The following LRP1B variants were observed in gnomAD, a reference collection of about 807,000 sequenced individuals.
The protein encoded by LRP1B is low-density lipoprotein receptor-related protein 1B.
Under a neutral mutation model 556.6 loss-of-function variants are expected in LRP1B, and 217 were observed. The ratio of observed to expected loss-of-function variants is 0.39; its 90% CI spans 0.35 to 0.44. The LOEUF (loss-of-function observed/expected upper bound fraction) is 0.44, where lower values mean the gene tolerates loss of function less well. Ranked by LOEUF, LRP1B falls within the 20% of genes least tolerant of loss-of-function variation. LRP1B has a pLI of 1.00. For missense variants in LRP1B, 5,053 were observed against 5,620.8 expected, an observed-to-expected ratio of 0.90 and a Z score of 3.23; for synonymous variants, 2,047 against 1,865.8, an observed-to-expected ratio of 1.10 and a Z score of -2.50.
At chr2:141,957,384 G>T (rs909005028) in intron 1 of LRP1B, among the ~76,000 whole-genome samples, 1 of 39,672 alleles carries the variant, frequency 2.5e-5, no homozygotes. Flanking sequence ...TTGTGTGTGT[G>T]GGGGGGGGGG....
At chr2:141,938,698 T>G (rs752726416) in intron 1 of LRP1B, among the ~76,000 whole-genome samples, 1 of 152,118 alleles carries the variant, frequency 6.6e-6, no homozygotes, top group Non-Finnish European at 1.5e-5. Context: ...TAAGTGTCTG[T>G]CAACAGATGA....
At chr2:140,609,565 C>T (rs1419159986) in intron 41 of LRP1B, among the ~76,000 whole-genome samples, 2 of 152,116 alleles carry the variant, frequency 1.3e-5, no homozygotes, top group East Asian at 3.9e-4. Context: ...TCTTAATTAT[C>T]CATATAAATT....
intron 7 of LRP1B, among the ~76,000 whole-genome samples, chr2:141,067,532 T>A (rs958092538): frequency 6.6e-6 from 1 of 152,056 alleles, no homozygotes; most frequent in Admixed American, 6.6e-5. Flanking sequence ...TCTGGAAACA[T>A]TCCCACTAGT....
chr2:140,753,222 G>A (rs288111), intron 35 of LRP1B, among the ~76,000 whole-genome samples: 49,830 of 151,934 alleles, frequency 0.33, 8,296 homozygotes, highest in South Asian at 0.39. Flanking sequence ...CTTAACAATT[G>A]ATGTTCAGCT....
intron 1 of LRP1B, among the ~76,000 whole-genome samples, chr2:141,909,855 A>G (rs888691054): frequency 2.0e-5 from 3 of 151,998 alleles, no homozygotes; most frequent in African/African-American, 7.2e-5. Flanking sequence ...ATTTATAACA[A>G]TCTAATTAAA....
Position 141,331,522 on chromosome 2 carries a change from C to CTCTTTCTTTCTTTCTTTCTTTCTTTCTT in LRP1B, c.344-76909_344-76882dup, listed in dbSNP as rs71213744. Among the ~76,000 whole-genome samples the CTCTTTCTTTCTTTCTTTCTTTCTTTCTT allele has an allele frequency of 5.9e-3, 827 of 140,782 alleles. 7 individuals carry two copies. Among genetic ancestry groups the CTCTTTCTTTCTTTCTTTCTTTCTTTCTT allele is most frequent in the Admixed American group, 0.017 (246 of 14,188 alleles). The allele number at this position is 140,782 out of a possible 152,430, so 92.4% of individuals were successfully genotyped here. On this transcript the variant is annotated intron_variant, in intron 3 of 90. Coordinates refer to ENST00000389484, the MANE Select transcript of LRP1B (RefSeq NM_018557.3). ...TCTTTCCTTCTTTCTTTCTTTCTTT[C>CTCTTTCTTTCTTTCTTTCTTTCTTTCTT]TCTTTCTTTCTTTCTTTCTTTCTTT...
At chr2:140,272,894 A>G (rs549608846) in intron 85 of LRP1B, among the ~76,000 whole-genome samples, 1 of 151,960 alleles carries the variant, frequency 6.6e-6, no homozygotes, top group Non-Finnish European at 1.5e-5. Context: ...TTATATATAC[A>G]TTTCCAAAAA....
chr2:142,092,762 A>T (rs1706220411), intron 1 of LRP1B, among the ~76,000 whole-genome samples: 2 of 152,074 alleles, frequency 1.3e-5, no homozygotes, highest in South Asian at 4.1e-4. Context: ...AGATGGTAAA[A>T]TCTGATTAAG....
intron 31 of LRP1B, among the ~76,000 whole-genome samples, chr2:140,829,723 C>A (rs1378402385): frequency 6.6e-6 from 1 of 151,166 alleles, no homozygotes; most frequent in Non-Finnish European, 1.5e-5. Context: ...ACTAGACAAG[C>A]AAGAATAAAC....
At chr2:141,222,788 C>T (rs1683098511) in intron 6 of LRP1B, among the ~76,000 whole-genome samples, 1 of 152,056 alleles carries the variant, frequency 6.6e-6, no homozygotes, top group Admixed American at 6.6e-5. Flanking sequence ...AGGCAAAAAC[C>T]ACATGATTAT....
At chr2:140,286,991 A>G (rs1372520082) in intron 84 of LRP1B, among the ~76,000 whole-genome samples, 2 of 151,758 alleles carry the variant, frequency 1.3e-5, no homozygotes, top group Admixed American at 1.3e-4. Flanking sequence ...AGTTTGAGAA[A>G]CCAAAGTTAT....
chr2:140,394,817 T>C (rs996733047), intron 66 of LRP1B, among the ~76,000 whole-genome samples: 18 of 152,174 alleles, frequency 1.2e-4, no homozygotes, highest in African/African-American at 4.1e-4. Context: ...GTCATGCCTA[T>C]AGATTTTGAA....
At chr2:141,519,476 C>A (rs1368572632) in intron 2 of LRP1B, among the ~76,000 whole-genome samples, 1 of 147,038 alleles carries the variant, frequency 6.8e-6, no homozygotes, top group African/African-American at 2.5e-5. Context: ...TTTCAAAGAA[C>A]AAATAATATT....
At chr2:140,701,688 A>G (rs1686647364) in intron 40 of LRP1B, 33 bp downstream of exon 40, 2 of 1,573,702 alleles carry the variant, frequency 1.3e-6, no homozygotes, top group Non-Finnish European at 8.6e-7. Context: ...CACATAAAAT[A>G]TACATATTAT....
intron 66 of LRP1B, among the ~76,000 whole-genome samples, chr2:140,406,124 T>C (rs1168054786): frequency 6.6e-6 from 1 of 152,058 alleles, no homozygotes. Context: ...GAAATAAGCA[T>C]TCAATAAAAT....
At chr2:141,422,210 A>G (rs1413039533) in intron 3 of LRP1B, among the ~76,000 whole-genome samples, 1 of 152,232 alleles carries the variant, frequency 6.6e-6, no homozygotes, top group East Asian at 1.9e-4. Context: ...CACTCATTAA[A>G]TGTTATCTTT....
Position 140,982,297 on chromosome 2 carries a change from A to T in LRP1B, c.2771-21T>A, listed in dbSNP as rs182831357. On this transcript the variant is annotated intron_variant, in intron 17 of 90. Coordinates refer to ENST00000389484, the MANE Select transcript of LRP1B (RefSeq NM_018557.3). ...TCTGGCTATGATGATCAATTAATAAACAAAAAATCAATTTAGAGGCATTTT... is the reference window on the plus strand; with the variant it reads ...TCTGGCTATGATGATCAATTAATAATCAAAAAATCAATTTAGAGGCATTTT... The T allele has an allele frequency of 2.1e-4, 317 of 1,523,036 alleles. 3 individuals carry two copies. Among genetic ancestry groups the T allele is most frequent in the Middle Eastern group, 1.7e-3 (10 of 5,864 alleles). 94.3% of individuals were successfully genotyped at this position (1,523,036 alleles called of 1,614,324 possible). A position where few individuals can be genotyped will look rare whatever the true frequency, so the allele number is the denominator to read the frequency against.
At chr2:142,047,191 C>T (rs1225784035) in intron 1 of LRP1B, among the ~76,000 whole-genome samples, 6 of 151,894 alleles carry the variant, frequency 4.0e-5, no homozygotes, top group Non-Finnish European at 7.4e-5. Context: ...GTGCCATTTA[C>T]ATGGTAGTAT....
chr2:141,308,683 G>A (rs569144194), intron 3 of LRP1B, among the ~76,000 whole-genome samples: 3 of 152,202 alleles, frequency 2.0e-5, no homozygotes, highest in Admixed American at 6.5e-5. Flanking sequence ...GGCACACAAA[G>A]TGTACAGTTT....
Sources: gnomAD v4.1 joint callset for allele counts (sites outside exome capture counted in the v4.1 genomes callset) on GRCh38, gnomAD v4.1.1 for gene constraint, MANE v1.5 for transcripts, NCBI Gene and HGNC (gene_info 2026-07-23, HGNC 2026-07-21) for gene names.